BBOX1: variants seen among roughly 807,000 people sequenced by gnomAD.
BBOX1 encodes the protein gamma-butyrobetaine hydroxylase 1, also known as gamma-butyrobetaine dioxygenase.
In BBOX1, 35 loss-of-function variants were observed where a neutral mutation model predicts 41.6. The observed-to-expected ratio is 0.84, with a 90% CI of 0.64 to 1.11. The LOEUF is 1.11. Among genes scored for constraint, BBOX1 ranks in the 50% most tolerant of loss-of-function variants. BBOX1 has a pLI of 0.00. For missense variants in BBOX1, 458 were observed against 460.6 expected (o/e 0.99, Z 0.05); for synonymous variants, 163 against 154.7 (o/e 1.05, Z -0.40).
intron 4 of BBOX1, among the ~76,000 whole-genome samples, chr11:27,073,684 T>G (rs1564964576): frequency 1.3e-5 from 2 of 152,124 alleles, no homozygotes; most frequent in Non-Finnish European, 2.9e-5. Flanking sequence ...AATGATAGAC[T>G]GGATTAAGAA....
intron 4 of BBOX1, among the ~76,000 whole-genome samples, chr11:27,080,932 T>A (rs1181699984): frequency 1.3e-5 from 2 of 152,146 alleles, no homozygotes; most frequent in Admixed American, 6.6e-5. Context: ...GATGTTAAAT[T>A]CTTGATAGAT....
At position 27,040,973 on chromosome 11, in the gene BBOX1, T is replaced by A. The variant is rs1851332013; in HGVS notation, c.-357T>A. On this transcript the variant is annotated 5_prime_UTR_variant, in exon 1 of 9. Transcript: ENST00000263182. ...CTGAACAGGTGGGAAAGAAGTGAAC[T>A]GCTTGTTCACTTGCTGCTGTTGCCA... is the stretch of plus-strand genomic sequence containing the variant. 1 of 152,188 alleles carries A rather than the reference T, an allele frequency of 6.6e-6. No individual in the cohort carries two copies. The highest frequency in any genetic ancestry group is 1.5e-5 in the Non-Finnish European group (1 of 68,042). 9.4% of individuals were successfully genotyped at this position (152,188 alleles called of 1,614,324 possible). A position where few individuals can be genotyped will look rare whatever the true frequency, so the allele number is the denominator to read the frequency against.
At chr11:27,087,637 A>C (rs969599286) in intron 4 of BBOX1, among the ~76,000 whole-genome samples, 1 of 152,056 alleles carries the variant, frequency 6.6e-6, no homozygotes, top group Non-Finnish European at 1.5e-5. Context: ...GGGTATGTCT[A>C]TATCCCTGAA....
At position 27,080,455 on chromosome 11, in the gene BBOX1, A is replaced by G. The variant is rs1420170191; in HGVS notation, c.335-12713A>G. 2.0e-5 allele frequency among the ~76,000 whole-genome samples: 3 copies of G among 152,202 alleles called. No individual in the cohort carries two copies. The East Asian group carries it at 5.8e-4, about 29-fold the overall frequency. On this transcript the variant is annotated intron_variant, in intron 4 of 8. Transcript: ENST00000263182. ...ATTGGGCACTTTCCATGGATTGTTC[A>G]TTTATTCATTCATCATACTCAATGA... is the stretch of plus-strand genomic sequence containing the variant.
chr11:27,123,502 A>T (rs1859539329), intron 7 of BBOX1, among the ~76,000 whole-genome samples: 1 of 152,138 alleles, frequency 6.6e-6, no homozygotes, highest in African/African-American at 2.4e-5. Flanking sequence ...AAGTCATGAC[A>T]TCCCTTGGCG....
At chr11:27,093,921 G>T (rs1393173467) in intron 5 of BBOX1, among the ~76,000 whole-genome samples, 1 of 151,796 alleles carries the variant, frequency 6.6e-6, no homozygotes, top group Non-Finnish European at 1.5e-5. Context: ...TATGAATTTG[G>T]GGGGACATAA....
chr11:27,044,646 A>G (rs181974017), intron 2 of BBOX1, among the ~76,000 whole-genome samples: 292 of 152,086 alleles, frequency 1.9e-3, no homozygotes, highest in Admixed American at 5.8e-3. Context: ...TCAGCTTTCT[A>G]CATATGGCTA....
At chr11:27,110,675 C>T (rs1054433251) in intron 5 of BBOX1, among the ~76,000 whole-genome samples, 11 of 151,912 alleles carry the variant, frequency 7.2e-5, no homozygotes, top group Non-Finnish European at 1.3e-4. Flanking sequence ...AATAATACTT[C>T]TCTGACCCCA....
intron 6 of BBOX1, among the ~76,000 whole-genome samples, chr11:27,119,141 G>A (rs1266965456): frequency 6.6e-6 from 1 of 151,962 alleles, no homozygotes; most frequent in Non-Finnish European, 1.5e-5. Flanking sequence ...GCCCTCTGCT[G>A]TAGCCAGACT....
intron 2 of BBOX1, among the ~76,000 whole-genome samples, chr11:27,046,918 A>ATTTT (rs71449139): frequency 6.7e-6 from 1 of 148,526 alleles, no homozygotes; most frequent in Non-Finnish European, 1.5e-5. Flanking sequence ...ATGATCTGCA[A>ATTTT]TTTTTTTTTT....
At chr11:27,107,557 A>G (rs2134076994) in intron 5 of BBOX1, among the ~76,000 whole-genome samples, 1 of 152,076 alleles carries the variant, frequency 6.6e-6, no homozygotes, top group East Asian at 2.0e-4. Flanking sequence ...CCATACCTCT[A>G]CTTCAGTCAC....
intron 5 of BBOX1, among the ~76,000 whole-genome samples, chr11:27,106,951 A>G (rs1045467615): frequency 1.3e-5 from 2 of 152,272 alleles, no homozygotes. Context: ...AAACCACTCA[A>G]CTACATGGAA....
chr11:27,049,700 T>C (rs7124309), intron 2 of BBOX1, among the ~76,000 whole-genome samples: 79,808 of 152,026 alleles, frequency 0.52, 21,303 homozygotes, highest in African/African-American at 0.63. Context: ...GACTTTAGCA[T>C]ACAGAATGAT....
chr11:27,055,547 G>A lies in BBOX1; in HGVS notation c.117G>A (p.Pro39=), dbSNP rs144522986. 7.9e-5 allele frequency: 127 copies of A among 1,614,126 alleles called. 2 individuals carry two copies. The highest frequency in any genetic ancestry group is 4.0e-4 in the East Asian group (18 of 44,876). The change falls in exon 3 of 9, where the codon CCG becomes CCA. Residue 39 remains proline, a synonymous_variant. Transcript: ENST00000263182. ...CTGTATGGTTGAGAGACAACTGTCC[G>A]TGCTCTGATTGCTACCTGGATTCTG... ...YPAVWLRDNC[P]CSDCYLDSAK...
chr11:27,059,571 G>A (rs1443731379), intron 4 of BBOX1, among the ~76,000 whole-genome samples: 1 of 152,116 alleles, frequency 6.6e-6, no homozygotes, highest in African/African-American at 2.4e-5. Flanking sequence ...TAGATCCACC[G>A]CCAGCATGCA....
At chr11:27,057,538 A>T (rs1009135057) in intron 4 of BBOX1, 4 of 453,750 alleles carry the variant, frequency 8.8e-6, no homozygotes, top group Non-Finnish European at 1.2e-5. Context: ...AAACAAAATA[A>T]GTCCAGCAAA....
At chr11:27,092,717 T>C (rs1027867235) in intron 4 of BBOX1, among the ~76,000 whole-genome samples, 15 of 151,888 alleles carry the variant, frequency 9.9e-5, no homozygotes, top group African/African-American at 2.4e-4. Flanking sequence ...ATATCAAAGC[T>C]CTCCTCAACC....
chr11:27,045,972 T>G (rs1382140926), intron 2 of BBOX1, among the ~76,000 whole-genome samples: 4 of 152,196 alleles, frequency 2.6e-5, no homozygotes, highest in Non-Finnish European at 4.4e-5. Flanking sequence ...TATGAGAACT[T>G]GAAGAGTATC....
intron 5 of BBOX1, among the ~76,000 whole-genome samples, chr11:27,097,839 C>T (rs1858496869): frequency 6.6e-6 from 1 of 152,018 alleles, no homozygotes; most frequent in South Asian, 2.1e-4. Flanking sequence ...AAAATTTACA[C>T]AGGCTACCGT....
Sources: gnomAD v4.1 joint callset for allele counts (sites outside exome capture counted in the v4.1 genomes callset) on GRCh38, gnomAD v4.1.1 for gene constraint, MANE v1.5 for transcripts, NCBI Gene and HGNC (gene_info 2026-07-23, HGNC 2026-07-21) for gene names.